CA10: variants seen among roughly 807,000 people sequenced by gnomAD.
CA10 encodes carbonic anhydrase 10 (inactive), also known as carbonic anhydrase-related protein 10.
CA10 carries 14 observed loss-of-function variants against 44.2 expected under a neutral mutation model. The ratio of observed to expected loss-of-function variants is 0.32; its 90% CI spans 0.21 to 0.50. The LOEUF (loss-of-function observed/expected upper bound fraction) is 0.50. CA10 is among the 20% of genes least tolerant of loss of function. The probability of loss-of-function intolerance (pLI) is 0.99; values close to 1 mark genes in which losing one functional copy is unlikely to be tolerated. For synonymous variants in CA10, 159 were observed against 141.6 expected (o/e 1.12, Z -0.87); for missense variants, 350 against 409.7 (o/e 0.85, Z 1.26).
At chr17:51,708,326 C>T (rs1567811577) in intron 4 of CA10, among the ~76,000 whole-genome samples, 1 of 152,164 alleles carries the variant, frequency 6.6e-6, no homozygotes. Flanking sequence ...GAAGGAGAGG[C>T]ACTGAACACT....
At chr17:52,104,188 CTT>C (rs3066269) in intron 1 of CA10, among the ~76,000 whole-genome samples, 51,384 of 145,536 alleles carry the variant, frequency 0.35, 10,914 homozygotes, top group Non-Finnish European at 0.49. Context: ...CACCTCCTGC[CTT>C]TTTTTTTTTT....
intron 2 of CA10, among the ~76,000 whole-genome samples, chr17:52,061,316 A>G (rs1166935540): frequency 6.6e-6 from 1 of 152,158 alleles, no homozygotes; most frequent in Non-Finnish European, 1.5e-5. Flanking sequence ...GGGACCCTGC[A>G]CTGAGTAATG....
chr17:52,146,362 C>A (rs1989583813), intron 1 of CA10, among the ~76,000 whole-genome samples: 1 of 152,088 alleles, frequency 6.6e-6, no homozygotes, highest in South Asian at 2.1e-4. Context: ...GAGTTTTAGA[C>A]CAGCCTGACC....
rs926734812 is a variant in CA10 at position 51,747,825 on chromosome 17, G to A, written c.280-7C>T. The A allele has an allele frequency of 1.9e-6, 3 of 1,603,958 alleles. No individual in the cohort carries two copies. Among genetic ancestry groups the A allele is most frequent in the South Asian group, 2.2e-5 (2 of 89,244 alleles). ...TGTACATGGTCCCACTGACCTGCAA[G>A]GCAATTAGCAACAGGTCAAGCAAGG... On this transcript the variant is annotated splice_region_variant and splice_polypyrimidine_tract_variant and intron_variant, in intron 3 of 8. Coordinates refer to ENST00000451037, the MANE Select transcript of CA10 (RefSeq NM_020178.5).
intron 2 of CA10, among the ~76,000 whole-genome samples, chr17:52,064,301 C>A (rs1598195346): frequency 6.6e-6 from 1 of 152,176 alleles, no homozygotes; most frequent in South Asian, 2.1e-4. Context: ...TCCATTTAAG[C>A]CATGTCCAGA....
At chr17:51,806,198 G>A (rs1276985020) in intron 3 of CA10, among the ~76,000 whole-genome samples, 1 of 152,176 alleles carries the variant, frequency 6.6e-6, no homozygotes, top group Admixed American at 6.5e-5. Flanking sequence ...CTCATTTAAA[G>A]AATTGAGCAG....
rs182576642 is a variant in CA10, at chr17:51,879,883, G to A, written c.279+51107C>T. 2.8e-3 allele frequency among the ~76,000 whole-genome samples: 429 copies of A among 152,326 alleles called. 2 individuals carry two copies. The highest frequency in any genetic ancestry group is 5.2e-3 in the Non-Finnish European group (357 of 68,020). On this transcript the variant is annotated intron_variant, in intron 3 of 8. Transcript: ENST00000451037. Reference sequence around the variant, plus strand: ...TGACCAATGGCACTCCTTGAGTGAAGGTGTATTAATCATGTCTTCTATTTT... The same window carrying A: ...TGACCAATGGCACTCCTTGAGTGAAAGTGTATTAATCATGTCTTCTATTTT...
rs1190941961 is a variant in CA10, at chr17:52,109,575, A to C, written c.62-37182T>G. On this transcript the variant is annotated intron_variant, in intron 1 of 8. Coordinates refer to ENST00000451037, the MANE Select transcript of CA10 (RefSeq NM_020178.5). ...ACTATTGCAGATTAATGCAGATTAC[A>C]TTGTGTTCTCTCTGAGGACTGTAGA... Among the ~76,000 whole-genome samples, 3 of 152,202 alleles carry C rather than the reference A, an allele frequency of 2.0e-5. No homozygotes were observed. The East Asian group carries it at 5.8e-4, about 29-fold the overall frequency.
chr17:52,047,311 A>G (rs1394295725), intron 2 of CA10, among the ~76,000 whole-genome samples: 1 of 152,046 alleles, frequency 6.6e-6, no homozygotes, highest in Non-Finnish European at 1.5e-5. Flanking sequence ...GAGTTCCTCT[A>G]CTACAATGAG....
At chr17:51,900,154 G>A (rs960517145) in intron 3 of CA10, among the ~76,000 whole-genome samples, 2 of 152,000 alleles carry the variant, frequency 1.3e-5, no homozygotes, top group South Asian at 2.1e-4. Context: ...GTGTTCCTGT[G>A]GTGGCCCATA....
intron 3 of CA10, among the ~76,000 whole-genome samples, chr17:51,814,988 T>C (rs1276329076): frequency 6.6e-6 from 1 of 152,122 alleles, no homozygotes; most frequent in Non-Finnish European, 1.5e-5. Flanking sequence ...GTAGTGAAAT[T>C]TCTGGTGTCT....
At chr17:51,785,863 G>A (rs1378297190) in intron 3 of CA10, among the ~76,000 whole-genome samples, 1 of 152,128 alleles carries the variant, frequency 6.6e-6, no homozygotes, top group African/African-American at 2.4e-5. Flanking sequence ...TATTTTAATA[G>A]GGATCACATT....
chr17:51,996,664 A>G (rs1985247985), intron 2 of CA10, among the ~76,000 whole-genome samples: 1 of 151,968 alleles, frequency 6.6e-6, no homozygotes, highest in Non-Finnish European at 1.5e-5. Context: ...ACTTTTCTCT[A>G]CTTGGTAAGA....
chr17:52,073,248 T>C (rs921796794), intron 1 of CA10, among the ~76,000 whole-genome samples: 3 of 152,182 alleles, frequency 2.0e-5, no homozygotes, highest in East Asian at 1.9e-4. Context: ...GGGGTTTTTT[T>C]CCAGCCTTCC....
intron 1 of CA10, among the ~76,000 whole-genome samples, chr17:52,133,620 C>A (rs1989290505): frequency 1.3e-5 from 2 of 152,130 alleles, no homozygotes; most frequent in African/African-American, 4.8e-5. Context: ...ATGCATTTGA[C>A]AAATTTTTAC....
intron 2 of CA10, among the ~76,000 whole-genome samples, chr17:51,960,714 CAG>C (rs1983855589): frequency 6.6e-6 from 1 of 152,040 alleles, no homozygotes; most frequent in Non-Finnish European, 1.5e-5. Context: ...AAATCAAAAA[CAG>C]ATATTTAAAA....
intron 2 of CA10, among the ~76,000 whole-genome samples, chr17:52,065,567 T>C (rs933792721): frequency 1.3e-5 from 2 of 152,172 alleles, no homozygotes; most frequent in Admixed American, 1.3e-4. Flanking sequence ...ACTGCTCCTA[T>C]CTTAGCTCAT....
In CA10 at chr17:51,747,537, C is replaced by T. The variant is rs188839337; in HGVS notation, c.465+96G>A. On this transcript the variant is annotated intron_variant, in intron 4 of 8. Transcript: ENST00000451037. ...GGCCTTCTCATTTCATAGATTAGAG[C>T]GAATCCCTTTGTTATGTTATCCCAT... 3.5e-4 allele frequency: 351 copies of T among 998,810 alleles called. No individual in the cohort carries two copies. The East Asian group carries it at 7.0e-3, about 20-fold the overall frequency. 61.9% of individuals were successfully genotyped at this position (998,810 alleles called of 1,614,324 possible). A position where few individuals can be genotyped will look rare whatever the true frequency, so the allele number is the denominator to read the frequency against.
chr17:52,017,014 A>G (rs769936337), intron 2 of CA10, among the ~76,000 whole-genome samples: 20 of 152,090 alleles, frequency 1.3e-4, no homozygotes, highest in Non-Finnish European at 2.8e-4. Flanking sequence ...GTCTTCCAAC[A>G]TGATTGGAAG....
Sources: gnomAD v4.1 joint callset for allele counts (sites outside exome capture counted in the v4.1 genomes callset) on GRCh38, gnomAD v4.1.1 for gene constraint, MANE v1.5 for transcripts, NCBI Gene and HGNC (gene_info 2026-07-23, HGNC 2026-07-21) for gene names.